LPAR6: variants seen among roughly 807,000 people sequenced by gnomAD.
The protein encoded by LPAR6 is lysophosphatidic acid receptor 6, also known as G-protein coupled purinergic receptor P2Y5.
In LPAR6, 17 loss-of-function variants were observed where a neutral mutation model predicts 22.0. The observed-to-expected ratio is 0.77, with a 90% CI of 0.53 to 1.16. The LOEUF is 1.16. LPAR6 is among the 50% of genes most tolerant of loss of function. The pLI, the probability that LPAR6 is intolerant of heterozygous loss-of-function variation, is 0.00. For missense variants in LPAR6, 384 were observed against 406.9 expected, an observed-to-expected ratio of 0.94 and a Z score of 0.48; for synonymous variants, 136 against 139.8, an observed-to-expected ratio of 0.97 and a Z score of 0.19.
chr13:48,404,234 T>C (rs1593472162), intron 1 of LPAR6: 1 of 151,956 alleles, frequency 6.6e-6, no homozygotes, highest in South Asian at 2.1e-4. Flanking sequence ...AGAACAGAAA[T>C]TGAAGTAAAC....
intron 1 of LPAR6, among the ~76,000 whole-genome samples, chr13:48,440,555 A>T (rs189065169): frequency 2.8e-4 from 42 of 152,302 alleles, no homozygotes; most frequent in Non-Finnish European, 4.6e-4. Context: ...TTGGCTTCAT[A>T]TATATAAAGA....
At chr13:48,394,514 C>T (rs907776418) in intron 1 of LPAR6, among the ~76,000 whole-genome samples, 4 of 152,200 alleles carry the variant, frequency 2.6e-5, no homozygotes, top group South Asian at 2.1e-4. Context: ...TTGAAATTCT[C>T]GCTGCCATCA....
intron 1 of LPAR6, among the ~76,000 whole-genome samples, chr13:48,436,783 T>TACAG (rs1225864615): frequency 1.3e-5 from 2 of 152,220 alleles, no homozygotes; most frequent in African/African-American, 4.8e-5. Context: ...TTCTTCTATT[T>TACAG]TCTATTCTAG....
chr13:48,412,614 C>A lies in LPAR6; in HGVS notation c.-191G>T, dbSNP rs146822744. On this transcript the variant is annotated 5_prime_UTR_variant, in exon 1 of 1. Transcript: ENST00000620633. The stretch of plus-strand genomic sequence containing the variant: ...ATGAAATTTGTTGCTGTAAAATTTC[C>A]GCTGGGTTCTTCAACAGGAAAATAT... The A allele has an allele frequency of 1.5e-5, 9 of 615,252 alleles. No homozygotes were observed. The highest frequency in any genetic ancestry group is 2.7e-5 in the Non-Finnish European group (9 of 338,610). 38.1% of individuals were successfully genotyped at this position (615,252 alleles called of 1,614,324 possible).
chr13:48,408,631 T>C (rs575875721), downstream of LPAR6: 2 of 152,238 alleles, frequency 1.3e-5, no homozygotes, highest in East Asian at 3.9e-4. Flanking sequence ...TACCACAAAG[T>C]ACAACACTAG....
chr13:48,434,699 C>T (rs1278781173), intron 1 of LPAR6, among the ~76,000 whole-genome samples: 2 of 152,160 alleles, frequency 1.3e-5, no homozygotes, highest in Non-Finnish European at 2.9e-5. Flanking sequence ...GTATCCACCA[C>T]CACAAGCAAT....
chr13:48,399,707 A>G (rs1948675804), intron 1 of LPAR6, among the ~76,000 whole-genome samples: 1 of 152,050 alleles, frequency 6.6e-6, no homozygotes, highest in Non-Finnish European at 1.5e-5. Flanking sequence ...TTAAATGCTT[A>G]TGTAAGCCTG....
intron 1 of LPAR6, among the ~76,000 whole-genome samples, chr13:48,390,142 G>A (rs1948600200): frequency 6.6e-6 from 1 of 152,046 alleles, no homozygotes; most frequent in South Asian, 2.1e-4. Flanking sequence ...ATGAGATCCT[G>A]CCTCAAAAAC....
At chr13:48,431,291 T>C (rs1949127196), upstream of LPAR6, among the ~76,000 whole-genome samples, 1 of 152,244 alleles carries the variant, frequency 6.6e-6, no homozygotes, top group African/African-American at 2.4e-5. Flanking sequence ...TAAAAATGAC[T>C]ATACATTTGA....
rs1022766939 is a variant in LPAR6, at chr13:48,411,459, G to C, written c.965C>G (p.Ala322Gly). The C allele has an allele frequency of 1.2e-6, 2 of 1,613,150 alleles. No individual in the cohort carries two copies. Among genetic ancestry groups the C allele is most frequent in the Non-Finnish European group, 1.7e-6 (2 of 1,179,536 alleles). ...TAGGTTATGCTGAATAAAATTCTCT[G>C]CACCATGAACTTCAGAGAATCTGAA... ...SDFRFSEVHG[A>G]ENFIQHNLQT... The change falls in exon 1 of 1, where the codon GCA becomes GGA. Residue 322 changes from alanine to glycine, a missense_variant. Ala to Gly is a moderately conservative substitution (Grantham distance 60). Transcript: ENST00000620633.
chr13:48,420,537 G>A (rs548440731), intron 2 of LPAR6, among the ~76,000 whole-genome samples: 1 of 152,190 alleles, frequency 6.6e-6, no homozygotes, highest in South Asian at 2.1e-4. Flanking sequence ...TTCTGTTCAG[G>A]GCAGTTAGAA....
In LPAR6 at chr13:48,411,489, C is replaced by G. The variant is rs374589872; in HGVS notation, c.935G>C (p.Ser312Thr). 4 of 1,612,234 alleles carry G rather than the reference C, an allele frequency of 2.5e-6. No individual in the cohort carries two copies. The highest frequency in any genetic ancestry group is 3.4e-6 in the Non-Finnish European group (4 of 1,178,842). The change falls in exon 1 of 1, where the codon AGT (serine) becomes ACT (threonine). Residue 312 changes from serine (S) to threonine (T), a missense_variant. Ser to Thr is a moderately conservative substitution (Grantham distance 58). Coordinates refer to ENST00000620633, the MANE Select transcript of LPAR6 (RefSeq NM_001162498.3). ...IKMKNWSVRR[S>T]DFRFSEVHGA... is the part of the protein sequence containing the mutation. ...ATGAACTTCAGAGAATCTGAAGTCA[C>G]TTCTCCTGACAGACCAGTTTTTCAT...
upstream of LPAR6, among the ~76,000 whole-genome samples, chr13:48,415,147 TGGC>T (rs575756997): frequency 5.5e-3 from 844 of 152,294 alleles, 5 homozygotes; most frequent in Middle Eastern, 0.01. Flanking sequence ...ATTTTGAATA[TGGC>T]GGCATTTTCT....
intron 1 of LPAR6, among the ~76,000 whole-genome samples, chr13:48,400,797 CAATT>C (rs1326544593): frequency 6.6e-6 from 1 of 152,036 alleles, no homozygotes; most frequent in African/African-American, 2.4e-5. Flanking sequence ...AGAAACATAA[CAATT>C]AATTGTTAGT....
downstream of LPAR6, among the ~76,000 whole-genome samples, chr13:48,407,535 ATAGAAATTTGAGAAT>A (rs1450759002): frequency 3.3e-5 from 5 of 152,224 alleles, no homozygotes; most frequent in African/African-American, 4.8e-5. Context: ...TAAAGAGAAA[ATAGAAATTTGAGAAT>A]TAGAGATTTT....
At position 48,411,627 on chromosome 13, in the gene LPAR6, A is replaced by G; in HGVS notation, c.797T>C (p.Val266Ala). ...TGGGTACATTGTCCTTACTGCTGCC[A>G]CTACTGAGCAATTAACAAATGTTTG... The part of the protein sequence containing the change: ...RTQTFVNCSV[V>A]AAVRTMYPIT... Residue 266 changes from valine (V) to alanine (A), a missense_variant, in exon 1 of 1, where the codon GTG becomes GCG. By Grantham distance (64) the Val-to-Ala change is moderately conservative. Transcript: ENST00000620633. 1 of 1,612,146 alleles carries G rather than the reference A, an allele frequency of 6.2e-7. No individual in the cohort carries two copies. The highest frequency in any genetic ancestry group is 2.2e-5 in the East Asian group (1 of 44,794).
intron 1 of LPAR6, among the ~76,000 whole-genome samples, chr13:48,403,029 C>T (rs1011718482): frequency 2.0e-5 from 3 of 151,672 alleles, no homozygotes; most frequent in African/African-American, 7.3e-5. Context: ...GTTTTATGTC[C>T]TATTAAAATA....
At chr13:48,413,532 A>C (rs1948855046), upstream of LPAR6, among the ~76,000 whole-genome samples, 1 of 152,210 alleles carries the variant, frequency 6.6e-6, no homozygotes, top group South Asian at 2.1e-4. Flanking sequence ...AGAACTGTTT[A>C]ATGACTATGA....
intron 2 of LPAR6, among the ~76,000 whole-genome samples, chr13:48,421,797 G>T (rs1184202985): frequency 1.3e-5 from 2 of 152,192 alleles, no homozygotes; most frequent in African/African-American, 4.8e-5. Context: ...TTAATGAAAT[G>T]CAAATCAAAA....
Sources: gnomAD v4.1 joint callset for allele counts (sites outside exome capture counted in the v4.1 genomes callset) on GRCh38, gnomAD v4.1.1 for gene constraint, MANE v1.5 for transcripts, NCBI Gene and HGNC (gene_info 2026-07-23, HGNC 2026-07-21) for gene names.